PALLD: variants seen among roughly 807,000 people sequenced by gnomAD.
PALLD encodes the protein palladin, cytoskeletal associated protein.
Under a neutral mutation model 123.5 loss-of-function variants are expected in PALLD, and 61 were observed. The ratio of observed to expected loss-of-function variants is 0.49; its 90% confidence interval spans 0.40 to 0.61. The LOEUF (loss-of-function observed/expected upper bound fraction) is 0.61. Among genes scored for constraint, PALLD ranks in the 20% least tolerant of loss-of-function variants. The pLI, the probability that PALLD is intolerant of heterozygous loss-of-function variation, is 0.00. For missense variants in PALLD, 1,273 were observed against 1,377.0 expected (o/e 0.92, Z 1.20); for synonymous variants, 465 against 496.4 (o/e 0.94, Z 0.84).
chr4:168,559,908 A>G (rs1233342087), intron 2 of PALLD, among the ~76,000 whole-genome samples: 1 of 151,890 alleles, frequency 6.6e-6, no homozygotes, highest in Non-Finnish European at 1.5e-5. Flanking sequence ...GAGAGAGAGA[A>G]AAAAAAAGAG....
chr4:168,678,298 T>C (rs775417527), intron 3 of PALLD, among the ~76,000 whole-genome samples: 2 of 152,136 alleles, frequency 1.3e-5, no homozygotes, highest in Non-Finnish European at 2.9e-5. Flanking sequence ...ATTATGATGA[T>C]GATTAAATGA....
chr4:168,516,215 T>C (rs751525857), intron 2 of PALLD, among the ~76,000 whole-genome samples: 4 of 152,232 alleles, frequency 2.6e-5, no homozygotes, highest in East Asian at 3.8e-4. Context: ...ATGCAAATTA[T>C]ATTAACAATT....
intron 10 of PALLD, among the ~76,000 whole-genome samples, chr4:168,798,725 C>T (rs920510889): frequency 2.0e-5 from 3 of 152,136 alleles, no homozygotes; most frequent in African/African-American, 4.8e-5. Flanking sequence ...CATTAAGTAT[C>T]TGCTGAAATG....
Position 168,839,688 on chromosome 4 carries a change from A to G in PALLD, c.1965-51234A>G, listed in dbSNP as rs572952286. 5.9e-5 allele frequency among the ~76,000 whole-genome samples: 9 copies of G among 152,194 alleles called. No individual in the cohort carries two copies. The South Asian group carries it at 1.9e-3, about 32-fold the overall frequency. On this transcript the variant is annotated intron_variant, in intron 10 of 21. Coordinates refer to ENST00000505667, the MANE Select transcript of PALLD (RefSeq NM_001166108.2). ...GAGCCGCCGTTTTACAGAGGTAAGG[A>G]CAAGAGTTTAGTTTTGAACATTCCA... is the stretch of plus-strand genomic sequence containing the variant.
chr4:168,673,910 G>C (rs951054586), intron 3 of PALLD, among the ~76,000 whole-genome samples: 4 of 151,622 alleles, frequency 2.6e-5, no homozygotes, highest in African/African-American at 9.7e-5. Context: ...GTGTGTGTGT[G>C]TGTGTGTCTG....
At chr4:168,600,922 T>G (rs181507949) in intron 2 of PALLD, among the ~76,000 whole-genome samples, 1 of 152,162 alleles carries the variant, frequency 6.6e-6, no homozygotes, top group African/African-American at 2.4e-5. Context: ...GGCTGTGATA[T>G]CTATGGTGCA....
At chr4:168,856,763 T>A (rs1389926417) in intron 10 of PALLD, among the ~76,000 whole-genome samples, 2 of 152,192 alleles carry the variant, frequency 1.3e-5, no homozygotes, top group African/African-American at 2.4e-5. Context: ...GCAGTCTAAC[T>A]CCAGAGCCTA....
intron 10 of PALLD, among the ~76,000 whole-genome samples, chr4:168,776,019 C>G (rs770846024): frequency 4.6e-5 from 7 of 152,134 alleles, no homozygotes; most frequent in African/African-American, 1.2e-4. Context: ...TACTCTTGGT[C>G]CTTTGCATTT....
intron 2 of PALLD, among the ~76,000 whole-genome samples, chr4:168,582,641 T>C (rs1386693045): frequency 2.6e-5 from 4 of 152,118 alleles, no homozygotes. Context: ...ATGAAAGGAG[T>C]TAATTTTGTC....
intron 12 of PALLD, among the ~76,000 whole-genome samples, chr4:168,895,743 C>G (rs1172799328): frequency 6.6e-6 from 1 of 152,118 alleles, no homozygotes; most frequent in African/African-American, 2.4e-5. Flanking sequence ...TGGACCCATG[C>G]AGTTCAAACC....
chr4:168,575,377 T>C (rs1769451956), intron 2 of PALLD, among the ~76,000 whole-genome samples: 1 of 151,766 alleles, frequency 6.6e-6, no homozygotes, highest in Admixed American at 6.6e-5. Flanking sequence ...TGAGAGAGTG[T>C]ATGTAGGAGG....
intron 10 of PALLD, among the ~76,000 whole-genome samples, chr4:168,724,357 A>G (rs1786332964): frequency 6.6e-6 from 1 of 152,230 alleles, no homozygotes. Flanking sequence ...TTTTTCATTC[A>G]TACTAATACA....
intron 10 of PALLD, among the ~76,000 whole-genome samples, chr4:168,882,361 G>A (rs1752724705): frequency 6.6e-6 from 1 of 152,198 alleles, no homozygotes; most frequent in African/African-American, 2.4e-5. Context: ...TAACTCTAAT[G>A]TCTAACATTT....
At chr4:168,497,227 T>A (rs1760836879) in intron 1 of PALLD, 33 bp downstream of exon 1, 1 of 149,430 alleles carries the variant, frequency 6.7e-6, no homozygotes, top group African/African-American at 2.5e-5. Flanking sequence ...TACTAACTAG[T>A]AGGGCAACAT....
chr4:168,675,182 G>T (rs1386170421), intron 3 of PALLD, among the ~76,000 whole-genome samples: 1 of 152,204 alleles, frequency 6.6e-6, no homozygotes, highest in East Asian at 1.9e-4. Context: ...CAAGATGGTG[G>T]CCCTGAAATG....
chr4:168,776,249 TTTG>T (rs1482663273), intron 10 of PALLD, among the ~76,000 whole-genome samples: 4 of 152,224 alleles, frequency 2.6e-5, no homozygotes, highest in African/African-American at 9.6e-5. Flanking sequence ...TTGTACATCT[TTTG>T]TTAGATTTAT....
Position 168,849,837 on chromosome 4 carries a change from G to A in PALLD, c.1965-41085G>A, listed in dbSNP as rs143462535. On this transcript the variant is annotated intron_variant, in intron 10 of 21. Transcript: ENST00000505667. ...CACGTGTGGCTGGCTGCATCAGGGGGCTCATAAAGAATTCAGAGCTGGCCC... is the reference window on the plus strand; with the variant it reads ...CACGTGTGGCTGGCTGCATCAGGGGACTCATAAAGAATTCAGAGCTGGCCC... Among the ~76,000 whole-genome samples, 3 of 151,780 alleles carry A rather than the reference G, an allele frequency of 2.0e-5. No individual in the cohort carries two copies. The East Asian group carries it at 5.8e-4, about 29-fold the overall frequency.
intron 10 of PALLD, 134 bp downstream of exon 10, chr4:168,712,057 G>A: frequency 2.7e-6 from 2 of 728,198 alleles, no homozygotes; most frequent in East Asian, 5.3e-5. Context: ...GCTGCCAAGT[G>A]GTGTCTTTCA....
intron 2 of PALLD, among the ~76,000 whole-genome samples, chr4:168,599,961 TTGTATACACACACATATATACATACATG>T (rs1561290489): frequency 6.6e-6 from 1 of 150,932 alleles, no homozygotes; most frequent in Non-Finnish European, 1.5e-5. Context: ...TATGTGTGTA[TTGTATACACACACATATATACATACATG>T]TGTATACACA....
Sources: allele counts gnomAD v4.1 joint callset (sites outside exome capture counted in the v4.1 genomes callset), GRCh38; gene constraint gnomAD v4.1.1; transcripts MANE v1.5; gene names NCBI Gene and HGNC (gene_info 2026-07-23, HGNC 2026-07-21).